ACACB: variants seen among roughly 807,000 people sequenced by gnomAD.
ACACB encodes the protein acetyl-CoA carboxylase beta.
ACACB carries 209 observed loss-of-function variants against 278.8 expected under a neutral mutation model. The observed-to-expected ratio is 0.75, with a 90% confidence interval of 0.67 to 0.84. The LOEUF (loss-of-function observed/expected upper bound fraction) is 0.84. ACACB is among the 40% of genes least tolerant of loss of function. The pLI is 0.00. For synonymous variants in ACACB, 1,174 were observed against 1,285.6 expected, an observed-to-expected ratio of 0.91 and a Z score of 1.86; for missense variants, 2,850 against 3,269.0, an observed-to-expected ratio of 0.87 and a Z score of 3.13.
At chr12:109,251,526 C>T (rs1298570160) in intron 41 of ACACB, among the ~76,000 whole-genome samples, 2 of 152,200 alleles carry the variant, frequency 1.3e-5, no homozygotes, top group Non-Finnish European at 2.9e-5. Context: ...TTGAAGTCAT[C>T]TAGGACCCAC....
intron 45 of ACACB, 42 bp downstream of exon 45, chr12:109,256,278 C>T (rs772283562): frequency 1.3e-6 from 2 of 1,563,236 alleles, no homozygotes; most frequent in African/African-American, 1.4e-5. Context: ...GTCTGACTCA[C>T]CAGGCATTGG....
chr12:109,161,515 C>A (rs1019195749), intron 2 of ACACB, among the ~76,000 whole-genome samples: 2 of 151,910 alleles, frequency 1.3e-5, no homozygotes, highest in Non-Finnish European at 2.9e-5. Context: ...TGCTCTCCAG[C>A]CTGGGCGACA....
intron 1 of ACACB, among the ~76,000 whole-genome samples, chr12:109,123,615 C>A (rs964836572): frequency 2.0e-5 from 3 of 151,528 alleles, no homozygotes; most frequent in Non-Finnish European, 4.4e-5. Flanking sequence ...ATCTTTTGAA[C>A]CTGGGAGGCA....
intron 21 of ACACB, among the ~76,000 whole-genome samples, chr12:109,209,625 T>C (rs1465662385): frequency 1.3e-5 from 2 of 151,996 alleles, no homozygotes; most frequent in African/African-American, 4.8e-5. Flanking sequence ...TTGTTGCAGA[T>C]GGAGTGAGCA....
At chr12:109,250,387 A>T (rs968519848) in intron 41 of ACACB, among the ~76,000 whole-genome samples, 1 of 152,168 alleles carries the variant, frequency 6.6e-6, no homozygotes, top group Admixed American at 6.5e-5. Context: ...CCGGTTTTTA[A>T]AAACATAACT....
chr12:109,253,132 C>T lies in ACACB; in HGVS notation c.6019C>T (p.Leu2007=), dbSNP rs543950309. ...PDDFEGVYTI[L]EWLSYMPKDN... ...TGACTTTGAGGGGGTTTATACCATCCTGGAGTGGCTGTCCTATATGCCAAA... is the reference window on the plus strand; with the variant it reads ...TGACTTTGAGGGGGTTTATACCATCTTGGAGTGGCTGTCCTATATGCCAAA... Residue 2007 remains leucine (L), a synonymous_variant, in exon 43 of 53, where the codon CTG becomes TTG. Coordinates refer to ENST00000338432, the MANE Select transcript of ACACB (RefSeq NM_001093.4). The T allele has an allele frequency of 4.4e-6, 7 of 1,599,908 alleles. No homozygotes were observed. In the East Asian group the frequency reaches 1.1e-4, roughly 26 times the overall value.
At chr12:109,242,983 G>T (rs1490352776) in intron 37 of ACACB, among the ~76,000 whole-genome samples, 5 of 151,966 alleles carry the variant, frequency 3.3e-5, no homozygotes, top group African/African-American at 2.4e-5. Flanking sequence ...AAAGAACAAG[G>T]TCTGCATTGA....
At chr12:109,174,809 AC>A (rs2044233310) in intron 7 of ACACB, among the ~76,000 whole-genome samples, 2 of 152,136 alleles carry the variant, frequency 1.3e-5, no homozygotes, top group South Asian at 4.1e-4. Context: ...GGTCGAGGTT[AC>A]AGTGAACTAT....
Position 109,237,336 on chromosome 12 carries a change from T to G in ACACB, c.4618T>G (p.Phe1540Val). 1 of 1,614,082 alleles carries G rather than the reference T, an allele frequency of 6.2e-7. No individual in the cohort carries two copies. The highest frequency in any genetic ancestry group is 8.5e-7 in the Non-Finnish European group (1 of 1,180,020). Residue 1540 changes from phenylalanine (F) to valine (V), a missense_variant, in exon 34 of 53, where the codon TTC (phenylalanine) becomes GTC (valine). Phe to Val is a conservative substitution (Grantham distance 50). This residue lies in a region of ACACB where 2,265 missense variants were observed against 2,561.3 expected (regional missense o/e 0.88). Coordinates refer to ENST00000338432, the MANE Select transcript of ACACB (RefSeq NM_001093.4). ...AGGTGTGGAAGTGACGGACCATAGG[T>G]TCTTCATCCGCGCCATCATCAGGCA... ...KEGVEVTDHR[F>V]FIRAIIRHSD...
At chr12:109,116,015 A>T (rs558136228), upstream of ACACB, among the ~76,000 whole-genome samples, 56 of 152,250 alleles carry the variant, frequency 3.7e-4, no homozygotes, top group Admixed American at 1.4e-3. Flanking sequence ...ACGTTGCAGA[A>T]CACTATGTAA....
chr12:109,116,110 GTT>G (rs1361523621), upstream of ACACB, among the ~76,000 whole-genome samples: 1 of 152,176 alleles, frequency 6.6e-6, no homozygotes, highest in African/African-American at 2.4e-5. Context: ...CAATGGAGCT[GTT>G]TTTTTCTTTT....
rs1200241358 is a variant in ACACB at position 109,193,855 on chromosome 12, G to A, written c.2481+126G>A. ...GGGTTTGAGCTCTTGTGTTCCTCGG[G>A]AATCCCCATGTAGTCCGTGACCTTG... On this transcript the variant is annotated intron_variant, in intron 16 of 52. Transcript: ENST00000338432. 3.8e-6 allele frequency: 3 copies of A among 780,690 alleles called. No homozygotes were observed. The African/African-American group carries it at 5.2e-5, about 13-fold the overall frequency. 48.4% of individuals were successfully genotyped at this position (780,690 alleles called of 1,614,324 possible).
chr12:109,139,312 A>G (rs2043042200), intron 1 of ACACB, 85 bp from the exon 2 acceptor site: 1 of 1,318,094 alleles, frequency 7.6e-7, no homozygotes, highest in Non-Finnish European at 1.0e-6. Flanking sequence ...CAGCACCCCA[A>G]CAGCCTCCTG....
intron 43 of ACACB, 106 bp from the exon 44 acceptor site, chr12:109,254,108 T>C (rs1256644727): frequency 2.9e-6 from 4 of 1,392,654 alleles, no homozygotes; most frequent in South Asian, 1.2e-5. Flanking sequence ...GGAGGGGATA[T>C]TGCTGCATAA....
intron 28 of ACACB, among the ~76,000 whole-genome samples, chr12:109,228,133 C>T (rs1212979034): frequency 2.3e-4 from 34 of 151,032 alleles, no homozygotes; most frequent in Non-Finnish European, 4.3e-4. Context: ...GTCAGGGGTT[C>T]GAGACCAGCC....
chr12:109,235,602 G>A lies in ACACB; in HGVS notation c.4405-4G>A. On this transcript the variant is annotated splice_region_variant and splice_polypyrimidine_tract_variant and intron_variant, in intron 32 of 52. Transcript: ENST00000338432. ...TTGTCTTGTGTGTGGATTTCTTTTT[G>A]CAGAAAGAATTTCCCAAGTTTTTCA... 6 of 1,612,190 alleles carry A rather than the reference G, an allele frequency of 3.7e-6. No homozygotes were observed. Among genetic ancestry groups the A allele is most frequent in the Non-Finnish European group, 5.1e-6 (6 of 1,178,596 alleles).
At chr12:109,152,266 C>CT (rs756242726) in intron 2 of ACACB, among the ~76,000 whole-genome samples, 1 of 152,162 alleles carries the variant, frequency 6.6e-6, no homozygotes, top group Non-Finnish European at 1.5e-5. Context: ...TTTGAAATAT[C>CT]TTCATTTCTT....
chr12:109,167,887 C>T lies in ACACB; in HGVS notation c.787-9C>T. 6.2e-7 allele frequency: 1 copy of T among 1,613,884 alleles called. No individual in the cohort carries two copies. Among genetic ancestry groups the T allele is most frequent in the South Asian group, 1.1e-5 (1 of 91,058 alleles). On this transcript the variant is annotated splice_polypyrimidine_tract_variant and intron_variant, in intron 3 of 52. Coordinates refer to ENST00000338432, the MANE Select transcript of ACACB (RefSeq NM_001093.4). ...GCATCTACAGCTCCTTCCTTGTCTT[C>T]CCATGCAGGTGCTTATTGCCAACAA...
intron 21 of ACACB, among the ~76,000 whole-genome samples, chr12:109,210,461 A>G (rs2045792420): frequency 7.6e-6 from 1 of 130,990 alleles, no homozygotes; most frequent in Non-Finnish European, 1.6e-5. Flanking sequence ...ATATGTATAT[A>G]TACGCACATA....
Sources: gnomAD v4.1 joint callset for allele counts (sites outside exome capture counted in the v4.1 genomes callset) on GRCh38, gnomAD v4.1.1 for gene constraint, gnomAD v4.1.1 regional missense constraint, MANE v1.5 for transcripts, NCBI Gene and HGNC (gene_info 2026-07-23, HGNC 2026-07-21) for gene names.